The following CEP57L1 variants were observed in gnomAD, a reference collection of about 807,000 sequenced individuals.
CEP57L1 encodes centrosomal protein CEP57L1.
In CEP57L1, 37 loss-of-function variants were observed where a neutral mutation model predicts 61.0. That is an observed-to-expected ratio of 0.61 (90% CI 0.47 to 0.80). The LOEUF (loss-of-function observed/expected upper bound fraction) is 0.80. Ranked by LOEUF, CEP57L1 falls within the 30% of genes least tolerant of loss-of-function variation. The pLI, the probability that CEP57L1 is intolerant of heterozygous loss-of-function variation, is 0.00. For missense variants in CEP57L1, 422 were observed against 524.7 expected (o/e 0.80, Z 1.91); for synonymous variants, 137 against 162.3 (o/e 0.84, Z 1.19).
chr6:109,123,725 C>T (rs1447364110), intron 1 of CEP57L1, among the ~76,000 whole-genome samples: 1 of 152,082 alleles, frequency 6.6e-6, no homozygotes, highest in South Asian at 2.1e-4. Flanking sequence ...CTAATTTTCT[C>T]TAGTTTTTCT....
intron 3 of CEP57L1, among the ~76,000 whole-genome samples, chr6:109,147,478 A>G (rs933413442): frequency 1.3e-5 from 2 of 152,192 alleles, no homozygotes; most frequent in Non-Finnish European, 2.9e-5. Flanking sequence ...AAGTCTTTTA[A>G]GTAATTTCAC....
chr6:109,135,516 T>A (rs550953548), intron 1 of CEP57L1, among the ~76,000 whole-genome samples: 1 of 152,182 alleles, frequency 6.6e-6, no homozygotes, highest in Non-Finnish European at 1.5e-5. Context: ...AAGGACTTCA[T>A]GTCAAAAACA....
intron 1 of CEP57L1, among the ~76,000 whole-genome samples, chr6:109,103,481 A>C (rs1770566109): frequency 6.6e-6 from 1 of 152,190 alleles, no homozygotes; most frequent in Non-Finnish European, 1.5e-5. Context: ...TCAGCCCTTC[A>C]AAAACATATT....
At chr6:109,131,549 T>G (rs1364745228) in intron 1 of CEP57L1, among the ~76,000 whole-genome samples, 1 of 152,024 alleles carries the variant, frequency 6.6e-6, no homozygotes, top group Non-Finnish European at 1.5e-5. Context: ...TAAAACTGGT[T>G]TGTCTGAAGC....
At chr6:109,159,776 T>C (rs189411926) in intron 9 of CEP57L1, among the ~76,000 whole-genome samples, 11 of 152,356 alleles carry the variant, frequency 7.2e-5, no homozygotes, top group Admixed American at 2.0e-4. Context: ...TCTTTATAGC[T>C]ACTACTTTTT....
intron 1 of CEP57L1, among the ~76,000 whole-genome samples, chr6:109,116,878 A>G (rs1772368450): frequency 6.6e-6 from 1 of 152,350 alleles, no homozygotes; most frequent in South Asian, 2.1e-4. Flanking sequence ...AGAAAAACAT[A>G]CTTCTAAAGA....
intron 1 of CEP57L1, among the ~76,000 whole-genome samples, chr6:109,106,778 CAAA>C (rs1407430413): frequency 6.6e-6 from 1 of 151,700 alleles, no homozygotes. Context: ...ACTAAAAATA[CAAA>C]AAAAGAAAAT....
At chr6:109,155,994 AT>A (rs1462556536) in intron 7 of CEP57L1, 117 bp downstream of exon 7, 1 of 509,964 alleles carries the variant, frequency 2.0e-6, no homozygotes, top group African/African-American at 2.0e-5. Context: ...AATAAAAGAC[AT>A]GCAATAATGC....
At chr6:109,137,011 C>T (rs1208292622) in intron 1 of CEP57L1, among the ~76,000 whole-genome samples, 1 of 152,074 alleles carries the variant, frequency 6.6e-6, no homozygotes, top group East Asian at 1.9e-4. Context: ...CCTCCGCCTC[C>T]CAAAGTGCAG....
intron 4 of CEP57L1, among the ~76,000 whole-genome samples, chr6:109,153,116 A>AAAAG (rs530628800): frequency 7.9e-5 from 12 of 151,736 alleles, no homozygotes; most frequent in African/African-American, 2.9e-4. Flanking sequence ...CTCAAAAAAA[A>AAAAG]AAAAGAAAAG....
intron 6 of CEP57L1, 59 bp from the exon 7 acceptor site, chr6:109,155,732 A>G: frequency 1.2e-6 from 1 of 839,844 alleles, no homozygotes; most frequent in Non-Finnish European, 1.9e-6. Context: ...CTGATATCTC[A>G]TTACAGTGTT....
intron 10 of CEP57L1, 69 bp downstream of exon 10, chr6:109,160,785 A>G: frequency 6.8e-7 from 1 of 1,470,328 alleles, no homozygotes; most frequent in Non-Finnish European, 9.0e-7. Context: ...GTATCTCTGT[A>G]TGACTTTCCA....
chr6:109,095,449 T>G (rs1029037235), upstream of CEP57L1: 1 of 985,750 alleles, frequency 1.0e-6, no homozygotes, highest in African/African-American at 1.7e-5. Context: ...GAATGTAGTT[T>G]CGATGCTGCC....
rs1287815053 is a variant in CEP57L1 at position 109,159,405 on chromosome 6, G to A, written c.959G>A (p.Cys320Tyr). ...GACTCAGAAAAGTCCATTTCCATTT[G>A]TGACAATTTATCTGAACTTTTGATG... ...PPDSEKSISI[C>Y]DNLSELLMAM... The change falls in exon 9 of 11, where the codon TGT (cysteine) becomes TAT (tyrosine). Residue 320 changes from cysteine (C) to tyrosine (Y), a missense_variant. Cys to Tyr is a radical substitution (Grantham distance 194). Coordinates refer to ENST00000517392, the MANE Select transcript of CEP57L1 (RefSeq NM_001271852.3). 1 of 1,613,780 alleles carries A rather than the reference G, an allele frequency of 6.2e-7. No individual in the cohort carries two copies. Among genetic ancestry groups the A allele is most frequent in the East Asian group, 2.2e-5 (1 of 44,862 alleles).
rs199798756 is a variant in CEP57L1 at position 109,141,043 on chromosome 6, G to A, written c.-3-4176G>A. On this transcript the variant is annotated intron_variant, in intron 1 of 10. Coordinates refer to ENST00000517392, the MANE Select transcript of CEP57L1 (RefSeq NM_001271852.3). ...GATGAGGTTTCACCATGTTGGCCAA[G>A]ATGGTCTCGATCTCCTGACCTCGTA... Among the ~76,000 whole-genome samples, 60 of 151,582 alleles carry A rather than the reference G, an allele frequency of 4.0e-4. No homozygotes were observed. The East Asian group carries it at 0.01, about 26-fold the overall frequency.
intron 5 of CEP57L1, 143 bp downstream of exon 5, chr6:109,154,092 A>G (rs890951006): frequency 2.5e-5 from 14 of 571,050 alleles, no homozygotes; most frequent in Non-Finnish European, 4.0e-5. Context: ...ATTCTCACCT[A>G]TAGAGTGAAA....
At position 109,163,069 on chromosome 6, in the gene CEP57L1, A is replaced by G; in HGVS notation, c.*99A>G. 1 of 760,674 alleles carries G rather than the reference A, an allele frequency of 1.3e-6. No individual in the cohort carries two copies. Among genetic ancestry groups the G allele is most frequent in the Non-Finnish European group, 2.1e-6 (1 of 469,912 alleles). The allele number at this position is 760,674 out of a possible 1,614,324, so 47.1% of individuals were successfully genotyped here. A position where few individuals can be genotyped will look rare whatever the true frequency, so the allele number is the denominator to read the frequency against. ...ATATAACTTTGTGACATTTTGAATC[A>G]TGTTTCTAGTTTCTATAAAACATGA... On this transcript the variant is annotated 3_prime_UTR_variant, in exon 11 of 11. Coordinates refer to ENST00000517392, the MANE Select transcript of CEP57L1 (RefSeq NM_001271852.3).
intron 1 of CEP57L1, chr6:109,105,905 CA>C (rs1036932084): frequency 5.9e-5 from 9 of 152,166 alleles, no homozygotes; most frequent in South Asian, 4.1e-4. Context: ...CGCCTCCTGT[CA>C]GATCAGCAGT....
At chr6:109,095,256 G>A (rs1781543292), upstream of CEP57L1, 2 of 985,506 alleles carry the variant, frequency 2.0e-6, no homozygotes, top group Non-Finnish European at 1.2e-6. Context: ...GAAAAAGTAA[G>A]ACGTAGAAGT....
Sources: allele counts gnomAD v4.1 joint callset (sites outside exome capture counted in the v4.1 genomes callset), GRCh38; gene constraint gnomAD v4.1.1; transcripts MANE v1.5; gene names NCBI Gene and HGNC (gene_info 2026-07-23, HGNC 2026-07-21).